SAXO1: variants seen among roughly 807,000 people sequenced by gnomAD.
SAXO1 encodes 4930500O09Rik.
SAXO1 carries 21 observed loss-of-function variants against 17.5 expected under a neutral mutation model. That is an observed-to-expected ratio of 1.20 (90% CI 0.85 to 1.72). The LOEUF (loss-of-function observed/expected upper bound fraction) is 1.72. Ranked by LOEUF, SAXO1 falls within the 40% of genes most tolerant of loss-of-function variation. The pLI, the probability that SAXO1 is intolerant of heterozygous loss-of-function variation, is 0.00. For synonymous variants in SAXO1, 274 were observed against 216.5 expected, an observed-to-expected ratio of 1.27 and a Z score of -2.33; for missense variants, 843 against 596.0, an observed-to-expected ratio of 1.41 and a Z score of -4.32.
At chr9:18,948,916 T>C (rs1264981237) in intron 2 of SAXO1, among the ~76,000 whole-genome samples, 1 of 152,158 alleles carries the variant, frequency 6.6e-6, no homozygotes, top group Non-Finnish European at 1.5e-5. Flanking sequence ...CCGAACAAGA[T>C]ATTTGCAAGC....
chr9:19,013,834 G>T (rs115092781), intron 1 of SAXO1, among the ~76,000 whole-genome samples: 2 of 151,914 alleles, frequency 1.3e-5, no homozygotes, highest in Non-Finnish European at 2.9e-5. Context: ...GGTGTGAGGC[G>T]CCACGCCCAG....
chr9:19,033,072 G>T lies in SAXO1; in HGVS notation c.-164C>A, dbSNP rs914435962. The T allele has an allele frequency of 1.4e-5, 9 of 653,586 alleles. No individual in the cohort carries two copies. In the African/African-American group the frequency reaches 1.5e-4, roughly 11 times the overall value. 40.5% of individuals were successfully genotyped at this position (653,586 alleles called of 1,614,324 possible). ...AGTGGCCCTTTTGCAATGTCCTGTCGTCTGTTGCCCTCCTGGAGCTGGCCT... is the reference window on the plus strand; with the variant it reads ...AGTGGCCCTTTTGCAATGTCCTGTCTTCTGTTGCCCTCCTGGAGCTGGCCT... On this transcript the variant is annotated 5_prime_UTR_variant, in exon 1 of 4. Transcript: ENST00000380534.
At chr9:19,019,996 C>T (rs2131014487) in intron 1 of SAXO1, among the ~76,000 whole-genome samples, 1 of 150,856 alleles carries the variant, frequency 6.6e-6, no homozygotes, top group Middle Eastern at 3.4e-3. Context: ...TATAAACTGG[C>T]CATCCTGGTC....
intron 1 of SAXO1, among the ~76,000 whole-genome samples, chr9:19,020,119 G>C (rs535842081): frequency 1.3e-5 from 2 of 151,584 alleles, no homozygotes; most frequent in South Asian, 4.2e-4. Context: ...TCCATTGAGC[G>C]TAGCACTAAG....
chr9:18,997,361 C>A (rs1490309177), intron 1 of SAXO1, among the ~76,000 whole-genome samples: 1 of 152,232 alleles, frequency 6.6e-6, no homozygotes, highest in Admixed American at 6.5e-5. Context: ...AGTATGAGAT[C>A]AACCTGGGAT....
chr9:18,961,795 C>T (rs1442799431), intron 1 of SAXO1, among the ~76,000 whole-genome samples: 2 of 152,178 alleles, frequency 1.3e-5, no homozygotes, highest in East Asian at 1.9e-4. Flanking sequence ...CTTCAATAAA[C>T]ATACGTGTGC....
At chr9:19,008,149 AT>A (rs1336271050) in intron 1 of SAXO1, among the ~76,000 whole-genome samples, 1 of 151,496 alleles carries the variant, frequency 6.6e-6, no homozygotes, top group Non-Finnish European at 1.5e-5. Flanking sequence ...TAATTTTTGT[AT>A]TTTTAGTAGA....
At chr9:18,986,627 G>A (rs924404023) in intron 1 of SAXO1, among the ~76,000 whole-genome samples, 2 of 151,920 alleles carry the variant, frequency 1.3e-5, no homozygotes, top group African/African-American at 2.4e-5. Flanking sequence ...AAAAGGGGGG[G>A]CGGTTCCTCA....
chr9:18,951,580 T>C (rs1832041159), intron 1 of SAXO1, among the ~76,000 whole-genome samples: 2 of 152,122 alleles, frequency 1.3e-5, no homozygotes, highest in South Asian at 4.1e-4. Context: ...CCGCCAATCA[T>C]CTTATACCCA....
At chr9:19,025,196 T>C (rs181785312) in intron 1 of SAXO1, among the ~76,000 whole-genome samples, 9 of 152,348 alleles carry the variant, frequency 5.9e-5, no homozygotes, top group African/African-American at 1.9e-4. Flanking sequence ...TTTTTCTTTT[T>C]TTTCTTGGCA....
At chr9:18,956,091 C>A (rs924948008) in intron 1 of SAXO1, among the ~76,000 whole-genome samples, 3 of 150,766 alleles carry the variant, frequency 2.0e-5, no homozygotes, top group Non-Finnish European at 4.4e-5. Context: ...CAGGCATGCA[C>A]CACTGCACAA....
intron 2 of SAXO1, among the ~76,000 whole-genome samples, chr9:18,943,145 G>C (rs1831643283): frequency 6.6e-6 from 1 of 152,232 alleles, no homozygotes; most frequent in South Asian, 2.1e-4. Flanking sequence ...TCCTGAAAAT[G>C]CTTAGTGGGA....
chr9:18,934,155 G>A (rs983576609), intron 3 of SAXO1, among the ~76,000 whole-genome samples: 6 of 152,166 alleles, frequency 3.9e-5, no homozygotes, highest in African/African-American at 1.4e-4. Flanking sequence ...ATTTGACTAT[G>A]TTATGAATAG....
chr9:19,000,330 A>G (rs1442121644), intron 1 of SAXO1, among the ~76,000 whole-genome samples: 11 of 115,240 alleles, frequency 9.5e-5, no homozygotes, highest in African/African-American at 2.0e-4. Context: ...CTGCCCAGCC[A>G]CCACCCTGTC....
intron 3 of SAXO1, among the ~76,000 whole-genome samples, chr9:18,934,840 T>A (rs1831219471): frequency 6.6e-6 from 1 of 152,258 alleles, no homozygotes; most frequent in Non-Finnish European, 1.5e-5. Context: ...TTACCTGCAC[T>A]AATTCCATAG....
chr9:18,935,504 C>G (rs1460825603), intron 3 of SAXO1, among the ~76,000 whole-genome samples: 4 of 152,136 alleles, frequency 2.6e-5, no homozygotes, highest in African/African-American at 9.7e-5. Flanking sequence ...CTGCATGTAG[C>G]CTTGCCCATG....
chr9:18,974,283 G>C (rs1382008785), intron 1 of SAXO1, among the ~76,000 whole-genome samples: 1 of 152,184 alleles, frequency 6.6e-6, no homozygotes, highest in Non-Finnish European at 1.5e-5. Context: ...TGGAAGTATT[G>C]GTATGAACTG....
At chr9:19,031,691 T>C (rs1179158019) in intron 1 of SAXO1, among the ~76,000 whole-genome samples, 1 of 152,194 alleles carries the variant, frequency 6.6e-6, no homozygotes, top group Non-Finnish European at 1.5e-5. Flanking sequence ...CATGATCTAG[T>C]TCAGTGAGTC....
intron 1 of SAXO1, among the ~76,000 whole-genome samples, chr9:18,978,265 G>C (rs1833234657): frequency 6.6e-6 from 1 of 152,098 alleles, no homozygotes; most frequent in African/African-American, 2.4e-5. Flanking sequence ...TTGAAGCCAT[G>C]CATGTGTGAG....
Sources: allele counts gnomAD v4.1 joint callset (sites outside exome capture counted in the v4.1 genomes callset), GRCh38; gene constraint gnomAD v4.1.1; transcripts MANE v1.5; gene names NCBI Gene and HGNC (gene_info 2026-07-23, HGNC 2026-07-21).